The following CYTH3 variants were observed in gnomAD, a reference collection of about 807,000 sequenced individuals.
CYTH3 encodes the protein cytohesin-3.
In CYTH3, 23 loss-of-function variants were observed where a neutral mutation model predicts 55.1. The observed-to-expected ratio is 0.42, with a 90% confidence interval of 0.30 to 0.59. The LOEUF (loss-of-function observed/expected upper bound fraction) is 0.59. CYTH3 is among the 20% of genes least tolerant of loss of function. The pLI is 0.20. For missense variants in CYTH3, 413 were observed against 524.8 expected (o/e 0.79, Z 2.08); for synonymous variants, 249 against 194.9 (o/e 1.28, Z -2.31).
intron 1 of CYTH3, among the ~76,000 whole-genome samples, chr7:6,246,990 G>A (rs1213905076): frequency 6.6e-6 from 1 of 152,108 alleles, no homozygotes; most frequent in Non-Finnish European, 1.5e-5. Context: ...AAAATTTACA[G>A]AAGGCATACA....
chr7:6,191,579 G>A (rs145057921), intron 1 of CYTH3, among the ~76,000 whole-genome samples: 3 of 150,252 alleles, frequency 2.0e-5, no homozygotes, highest in Non-Finnish European at 4.4e-5. Flanking sequence ...ATAATTTCAG[G>A]GTAGGGAAGG....
chr7:6,196,019 T>C (rs942715349), intron 1 of CYTH3, among the ~76,000 whole-genome samples: 10 of 152,296 alleles, frequency 6.6e-5, no homozygotes, highest in Admixed American at 3.9e-4. Context: ...TGCCTTCCAA[T>C]GTGTCAGTTT....
chr7:6,272,334 G>A (rs1320898280), intron 1 of CYTH3, 140 bp downstream of exon 1: 2 of 748,452 alleles, frequency 2.7e-6, no homozygotes, highest in East Asian at 5.3e-5. Flanking sequence ...GCGTGCCTCA[G>A]GCCTCCAGCG....
At chr7:6,182,863 G>A (rs578100584) in intron 4 of CYTH3, among the ~76,000 whole-genome samples, 171 of 152,264 alleles carry the variant, frequency 1.1e-3, no homozygotes, top group Middle Eastern at 3.4e-3. Context: ...TGTTTGTTGG[G>A]TTTCATGTCT....
intron 4 of CYTH3, among the ~76,000 whole-genome samples, chr7:6,180,211 G>A (rs945298375): frequency 2.0e-5 from 3 of 152,220 alleles, no homozygotes; most frequent in African/African-American, 7.2e-5. Flanking sequence ...CCCTGCCACT[G>A]TCAGCTGAAG....
In CYTH3 at chr7:6,267,847, C is replaced by T. The variant is rs550926791; in HGVS notation, c.34+4627G>A. Among the ~76,000 whole-genome samples, 7 of 152,108 alleles carry T rather than the reference C, an allele frequency of 4.6e-5. No homozygotes were observed. In the South Asian group the frequency reaches 6.2e-4, roughly 14 times the overall value. On this transcript the variant is annotated intron_variant, in intron 1 of 12. Transcript: ENST00000350796. ...GTATTTTTTAATCTATAAAAATTCC[C>T]TCAAAAAAGGTGTAAAATGGGTATT...
At chr7:6,189,237 C>T (rs1783736582) in intron 2 of CYTH3, among the ~76,000 whole-genome samples, 1 of 152,198 alleles carries the variant, frequency 6.6e-6, no homozygotes, top group African/African-American at 2.4e-5. Context: ...GGACCGCCCT[C>T]TACCCCATCC....
intron 1 of CYTH3, among the ~76,000 whole-genome samples, chr7:6,236,816 G>A (rs976278839): frequency 4.6e-5 from 7 of 152,118 alleles, no homozygotes; most frequent in African/African-American, 1.7e-4. Flanking sequence ...ACCCGCCTCA[G>A]TCTCCCAAAG....
intron 1 of CYTH3, among the ~76,000 whole-genome samples, chr7:6,234,591 G>C (rs1035306073): frequency 6.6e-6 from 1 of 152,182 alleles, no homozygotes; most frequent in Non-Finnish European, 1.5e-5. Flanking sequence ...GGCTGGTCTC[G>C]GGACATCCCA....
chr7:6,179,683 CA>C (rs1400439185), intron 4 of CYTH3, among the ~76,000 whole-genome samples: 2 of 100,816 alleles, frequency 2.0e-5, no homozygotes, highest in African/African-American at 9.6e-5. Flanking sequence ...ACACCACACA[CA>C]CCCCCCCACA....
intron 6 of CYTH3, chr7:6,172,085 A>T (rs1783215089): frequency 6.5e-6 from 1 of 152,698 alleles, no homozygotes; most frequent in Non-Finnish European, 1.5e-5. Flanking sequence ...CTATTCAGCA[A>T]CGTCTGATGC....
rs1052054822 is a variant in CYTH3 at position 6,257,065 on chromosome 7, G to A, written c.34+15409C>T. On this transcript the variant is annotated intron_variant, in intron 1 of 12. Transcript: ENST00000350796. ...CCATAACAGACACCCTGTGATTCCC[G>A]AGAAAACGCAACATTTTAGAAGAAG... 7.2e-5 allele frequency among the ~76,000 whole-genome samples: 11 copies of A among 152,134 alleles called. No individual in the cohort carries two copies. In the South Asian group the frequency reaches 1.4e-3, roughly 20 times the overall value.
At chr7:6,206,392 C>A (rs1005659947) in intron 1 of CYTH3, among the ~76,000 whole-genome samples, 1 of 152,144 alleles carries the variant, frequency 6.6e-6, no homozygotes, top group African/African-American at 2.4e-5. Context: ...ACATCCAGAG[C>A]AGGTCAAGAA....
intron 1 of CYTH3, among the ~76,000 whole-genome samples, chr7:6,237,132 T>A (rs2128554669): frequency 6.6e-6 from 1 of 152,306 alleles, no homozygotes; most frequent in African/African-American, 2.4e-5. Context: ...AGCTCCCGCC[T>A]CGGCAGGCGT....
chr7:6,171,737 T>C lies in CYTH3; in HGVS notation c.450-423A>G, dbSNP rs1783203129. On this transcript the variant is annotated intron_variant, in intron 6 of 12. Transcript: ENST00000350796. This position sits in a 1 kb window ranked among gnomAD's most constrained non-coding sequence, Gnocchi z 6.7. ...GGCAGAGCCATAGCCCACAGGACGG[T>C]ATCCAAAGCCCCACCTACAGCACTG... The C allele has an allele frequency of 5.0e-6, 1 of 199,502 alleles. No individual in the cohort carries two copies. The highest frequency in any genetic ancestry group is 1.1e-5 in the Non-Finnish European group (1 of 94,116). 12.4% of individuals were successfully genotyped at this position (199,502 alleles called of 1,614,324 possible). A position where few individuals can be genotyped will look rare whatever the true frequency, so the allele number is the denominator to read the frequency against.
intron 1 of CYTH3, chr7:6,212,720 C>A (rs1784348516): frequency 1.3e-5 from 2 of 152,152 alleles, no homozygotes; most frequent in African/African-American, 4.8e-5. Flanking sequence ...ATCGATATAA[C>A]TCACTACCTT....
intron 1 of CYTH3, among the ~76,000 whole-genome samples, chr7:6,195,974 T>A (rs190878718): frequency 1.8e-3 from 273 of 152,336 alleles, no homozygotes; most frequent in African/African-American, 5.8e-3. Context: ...GTCTGGTAGC[T>A]CAACGATGTC....
intron 5 of CYTH3, among the ~76,000 whole-genome samples, chr7:6,176,769 C>A (rs1708421921): frequency 6.6e-6 from 1 of 152,206 alleles, no homozygotes; most frequent in Admixed American, 6.5e-5. Flanking sequence ...AACAGCAGTA[C>A]TAAGAGCAGA....
chr7:6,235,452 G>T (rs1366592061), intron 1 of CYTH3, among the ~76,000 whole-genome samples: 1 of 144,634 alleles, frequency 6.9e-6, no homozygotes, highest in African/African-American at 2.6e-5. Flanking sequence ...CAACCTGGGA[G>T]ACAGAGGGAG....
Sources: gnomAD v4.1 joint callset for allele counts (sites outside exome capture counted in the v4.1 genomes callset) on GRCh38, gnomAD v4.1.1 for gene constraint, Gnocchi (gnomAD v3.1) non-coding constraint, MANE v1.5 for transcripts, NCBI Gene and HGNC (gene_info 2026-07-23, HGNC 2026-07-21) for gene names.